Variants in PCSK6 observed in about 807,000 individuals in gnomAD.
PCSK6 encodes the protein proprotein convertase subtilisin/kexin type 6.
PCSK6 carries 85 observed loss-of-function variants against 123.3 expected under a neutral mutation model. The ratio of observed to expected loss-of-function variants is 0.69; its 90% CI spans 0.58 to 0.83. The LOEUF is 0.83. PCSK6 is among the 40% of genes least tolerant of loss of function. PCSK6 has a pLI of 0.00. For synonymous variants in PCSK6, 508 were observed against 516.0 expected, an observed-to-expected ratio of 0.98 and a Z score of 0.21; for missense variants, 1,191 against 1,282.3, an observed-to-expected ratio of 0.93 and a Z score of 1.09.
chr15:101,431,190 A>G (rs80059057), intron 4 of PCSK6, 130 bp downstream of exon 4: 3 of 907,362 alleles, frequency 3.3e-6, no homozygotes, highest in Non-Finnish European at 5.1e-6. Flanking sequence ...TCTTTCCAGC[A>G]TAGTTTTCTT....
At chr15:101,399,850 C>A (rs370192168) in intron 6 of PCSK6, among the ~76,000 whole-genome samples, 18 of 152,262 alleles carry the variant, frequency 1.2e-4, no homozygotes, top group African/African-American at 4.1e-4. Context: ...CCCTCACCCA[C>A]GGGGCCCAGC....
At chr15:101,459,327 T>C (rs1027113998) in intron 1 of PCSK6, among the ~76,000 whole-genome samples, 9 of 152,174 alleles carry the variant, frequency 5.9e-5, no homozygotes, top group African/African-American at 1.9e-4. Flanking sequence ...TTTTACTTCC[T>C]AGAAACATCC....
chr15:101,378,847 A>G (rs1279010138), intron 11 of PCSK6, among the ~76,000 whole-genome samples: 3 of 152,172 alleles, frequency 2.0e-5, no homozygotes, highest in Admixed American at 1.3e-4. Context: ...TCCTTTTCAC[A>G]CCATGGATGG....
At chr15:101,336,490 T>C (rs2040481013) in intron 13 of PCSK6, among the ~76,000 whole-genome samples, 3 of 152,248 alleles carry the variant, frequency 2.0e-5, no homozygotes, top group Non-Finnish European at 2.9e-5. Flanking sequence ...ATGGCTTACA[T>C]TGCCAATCCG....
intron 13 of PCSK6, chr15:101,347,193 T>C: frequency 1.6e-6 from 2 of 1,231,808 alleles, no homozygotes; most frequent in African/African-American, 1.5e-5. Flanking sequence ...GCTTTAAATC[T>C]GTCTTCCTTT....
intron 1 of PCSK6, among the ~76,000 whole-genome samples, chr15:101,488,704 C>T (rs2058080043): frequency 1.3e-5 from 2 of 152,222 alleles, no homozygotes; most frequent in South Asian, 2.1e-4. Context: ...GCCCTCCCTC[C>T]GCTCCTGGAG....
chr15:101,355,016 T>C (rs899916138), intron 13 of PCSK6, among the ~76,000 whole-genome samples: 3 of 152,230 alleles, frequency 2.0e-5, no homozygotes, highest in African/African-American at 7.2e-5. Flanking sequence ...CTAATCATCA[T>C]CCTATTCCTC....
At position 101,304,398 on chromosome 15, in the gene PCSK6, A is replaced by G. The variant is rs1300291449; in HGVS notation, c.*860T>C. On this transcript the variant is annotated 3_prime_UTR_variant, in exon 22 of 22. Coordinates refer to ENST00000611716, the MANE Select transcript of PCSK6 (RefSeq NM_002570.5). The stretch of plus-strand genomic sequence containing the variant: ...TCCATAAAATGGGAAGTGATGGATG[A>G]TTAACAATGCATGGCTGGCTTTACA... 6.6e-6 allele frequency: 1 copy of G among 152,320 alleles called. No homozygotes were observed. The highest frequency in any genetic ancestry group is 2.4e-5 in the African/African-American group (1 of 41,454). The allele number at this position is 152,320 out of a possible 1,614,324, so 9.4% of individuals were successfully genotyped here.
At chr15:101,321,488 G>A (rs2040121175) in intron 18 of PCSK6, among the ~76,000 whole-genome samples, 2 of 152,202 alleles carry the variant, frequency 1.3e-5, no homozygotes, top group Non-Finnish European at 2.9e-5. Context: ...TAAGAATTAT[G>A]TCTACTTCAC....
chr15:101,421,940 GATA>G (rs1374527843), intron 6 of PCSK6, among the ~76,000 whole-genome samples: 1 of 152,074 alleles, frequency 6.6e-6, no homozygotes, highest in Non-Finnish European at 1.5e-5. Context: ...TCTTATTAAA[GATA>G]ATAATTATAA....
intron 13 of PCSK6, among the ~76,000 whole-genome samples, chr15:101,335,504 G>C (rs1432637164): frequency 6.6e-6 from 1 of 152,154 alleles, no homozygotes; most frequent in African/African-American, 2.4e-5. Context: ...GGGCAATGTT[G>C]GTTCCCCGTT....
At chr15:101,394,900 G>A (rs964718212) in intron 7 of PCSK6, among the ~76,000 whole-genome samples, 3 of 152,236 alleles carry the variant, frequency 2.0e-5, no homozygotes. Context: ...CATCTGCAAG[G>A]TGAACCTGTC....
chr15:101,447,968 T>C (rs1209914650), intron 1 of PCSK6, among the ~76,000 whole-genome samples: 3 of 152,252 alleles, frequency 2.0e-5, no homozygotes, highest in African/African-American at 4.8e-5. Flanking sequence ...CATCCCAGGC[T>C]GCGTCCCAGT....
At chr15:101,363,299 G>C (rs1228689432) in intron 13 of PCSK6, among the ~76,000 whole-genome samples, 4 of 152,230 alleles carry the variant, frequency 2.6e-5, no homozygotes, top group Non-Finnish European at 5.9e-5. Context: ...AAGATCACAG[G>C]TCTAGAGTGT....
intron 1 of PCSK6, among the ~76,000 whole-genome samples, chr15:101,448,461 C>A (rs763435521): frequency 6.6e-6 from 1 of 152,220 alleles, no homozygotes; most frequent in Non-Finnish European, 1.5e-5. Context: ...TGGGGAACAG[C>A]AATTCCCCCT....
chr15:101,489,289 G>A, intron 1 of PCSK6, 85 bp downstream of exon 1: 1 of 873,426 alleles, frequency 1.1e-6, no homozygotes, highest in Non-Finnish European at 1.4e-6. Context: ...CCGGGGCCGG[G>A]CGGACAGGAC....
At chr15:101,409,344 G>A (rs901554047) in intron 6 of PCSK6, among the ~76,000 whole-genome samples, 1 of 152,010 alleles carries the variant, frequency 6.6e-6, no homozygotes, top group Admixed American at 6.5e-5. Context: ...CCAGCACTTT[G>A]GGCGGCCGAG....
At chr15:101,307,450 A>G in intron 20 of PCSK6, 125 bp from the exon 21 acceptor site, 2 of 664,106 alleles carry the variant, frequency 3.0e-6, no homozygotes. Context: ...CTCTGTGGAG[A>G]GGCTGTGTCG....
At chr15:101,383,537 A>T (rs556951267) in intron 10 of PCSK6, among the ~76,000 whole-genome samples, 166 of 152,208 alleles carry the variant, frequency 1.1e-3, no homozygotes, top group African/African-American at 3.0e-3. Flanking sequence ...ATTTCATGGT[A>T]CCTAGGTCTG....
Sources: allele counts gnomAD v4.1 joint callset (sites outside exome capture counted in the v4.1 genomes callset), GRCh38; gene constraint gnomAD v4.1.1; transcripts MANE v1.5; gene names NCBI Gene and HGNC (gene_info 2026-07-23, HGNC 2026-07-21).